The following PAFAH1B1 variants were observed in gnomAD, a reference collection of about 807,000 sequenced individuals.
PAFAH1B1 encodes platelet activating factor acetylhydrolase 1b regulatory subunit 1, also known as platelet-activating factor acetylhydrolase IB subunit beta.
A neutral mutation model predicts 57.5 loss-of-function variants in PAFAH1B1; 2 were observed. That is an observed-to-expected ratio of 0.03 (90% CI 0.01 to 0.11). The LOEUF is 0.11. Among genes scored for constraint, PAFAH1B1 ranks in the 10% least tolerant of loss-of-function variants. PAFAH1B1 has a pLI of 1.00. For missense variants in PAFAH1B1, 257 were observed against 512.0 expected, an observed-to-expected ratio of 0.50 and a Z score of 4.81; for synonymous variants, 152 against 169.6, an observed-to-expected ratio of 0.90 and a Z score of 0.81.
chr17:2,656,797 A>C (rs2068941704), intron 2 of PAFAH1B1, among the ~76,000 whole-genome samples: 1 of 152,188 alleles, frequency 6.6e-6, no homozygotes, highest in Non-Finnish European at 1.5e-5. Flanking sequence ...TACTTCTGAC[A>C]CTTCTGATAA....
At chr17:2,642,955 A>G (rs2068716440) in intron 2 of PAFAH1B1, among the ~76,000 whole-genome samples, 1 of 151,958 alleles carries the variant, frequency 6.6e-6, no homozygotes, top group African/African-American at 2.4e-5. Context: ...AATCCCTTCC[A>G]CCATGTTACC....
At chr17:2,648,561 C>G in intron 2 of PAFAH1B1, among the ~76,000 whole-genome samples, 1 of 151,730 alleles carries the variant, frequency 6.6e-6, no homozygotes, top group South Asian at 2.1e-4. Context: ...ACCTGTAGCC[C>G]CAGCTAATTG....
At chr17:2,610,227 AT>A (rs2068252822) in intron 1 of PAFAH1B1, among the ~76,000 whole-genome samples, 1 of 152,228 alleles carries the variant, frequency 6.6e-6, no homozygotes, top group Non-Finnish European at 1.5e-5. Context: ...TCTGTATTTG[AT>A]TTGTAACTCC....
At chr17:2,646,029 A>G (rs2068763696) in intron 2 of PAFAH1B1, among the ~76,000 whole-genome samples, 1 of 152,180 alleles carries the variant, frequency 6.6e-6, no homozygotes, top group South Asian at 2.1e-4. Context: ...CATAGCCTAC[A>G]GAAAATACAG....
chr17:2,628,482 A>AT (rs2068519224), intron 1 of PAFAH1B1, among the ~76,000 whole-genome samples: 1 of 151,980 alleles, frequency 6.6e-6, no homozygotes, highest in South Asian at 2.1e-4. Context: ...GTTAGCTAGT[A>AT]TTTTTTTAAG....
intron 1 of PAFAH1B1, 26 bp from the exon 2 acceptor site, chr17:2,638,072 CT>C (rs1001002978): frequency 5.0e-5 from 24 of 480,870 alleles, no homozygotes; most frequent in South Asian, 2.7e-4. Context: ...GTGAAATAAT[CT>C]TTTTTTTTCT....
intron 1 of PAFAH1B1, among the ~76,000 whole-genome samples, chr17:2,634,158 C>T (rs868694899): frequency 6.6e-6 from 1 of 151,778 alleles, no homozygotes; most frequent in Non-Finnish European, 1.5e-5. Context: ...TTTTTTGAGA[C>T]GGAGTCTTGC....
intron 2 of PAFAH1B1, among the ~76,000 whole-genome samples, chr17:2,645,821 G>T (rs2068761240): frequency 6.7e-6 from 1 of 149,990 alleles, no homozygotes; most frequent in Non-Finnish European, 1.5e-5. Flanking sequence ...AGCCAGGATG[G>T]TCTCACTCTC....
chr17:2,683,507 C>CA lies in PAFAH1B1; in HGVS notation c.*1706dup, dbSNP rs1372327075. ...AGAGTTAGCGTCCTGTAGATACACA[C>CA]AGAGACTAGGCCGTATATTAACTAG... On this transcript the variant is annotated 3_prime_UTR_variant, in exon 11 of 11. Transcript: ENST00000397195. The CA allele has an allele frequency of 6.6e-6, 1 of 152,224 alleles. No homozygotes were observed. The highest frequency in any genetic ancestry group is 6.5e-5 in the Admixed American group (1 of 15,282). 9.4% of individuals were successfully genotyped at this position (152,224 alleles called of 1,614,324 possible).
At chr17:2,657,132 A>G (rs1045811737) in intron 2 of PAFAH1B1, among the ~76,000 whole-genome samples, 1 of 152,180 alleles carries the variant, frequency 6.6e-6, no homozygotes, top group East Asian at 1.9e-4. Flanking sequence ...GCCATTAACT[A>G]TTAGATTTAT....
rs547683723 is a variant in PAFAH1B1 at position 2,677,406 on chromosome 17, A to G, written c.1002+800A>G. ...TTCCTATGTGCCTAAAGGAGTTCCAAGGAGATCTGTGGATGTTTGTTTAGT... is the reference window on the plus strand; with the variant it reads ...TTCCTATGTGCCTAAAGGAGTTCCAGGGAGATCTGTGGATGTTTGTTTAGT... On this transcript the variant is annotated intron_variant, in intron 9 of 10. Transcript: ENST00000397195. Among the ~76,000 whole-genome samples the G allele has an allele frequency of 7.2e-5, 11 of 152,336 alleles. No individual in the cohort carries two copies. In the East Asian group the frequency reaches 1.7e-3, roughly 24 times the overall value.
intron 1 of PAFAH1B1, among the ~76,000 whole-genome samples, chr17:2,635,761 T>G (rs971190769): frequency 2.6e-5 from 4 of 151,292 alleles, no homozygotes; most frequent in Admixed American, 6.6e-5. Context: ...ATAGTGGGGG[T>G]TTTTTTCTGA....
chr17:2,606,105 C>T (rs192341315), intron 1 of PAFAH1B1, among the ~76,000 whole-genome samples: 8 of 152,146 alleles, frequency 5.3e-5, no homozygotes, highest in South Asian at 2.1e-4. Context: ...TTGAGGTAGG[C>T]GGTATATTAG....
intron 9 of PAFAH1B1, 141 bp from the exon 10 acceptor site, chr17:2,680,023 C>A (rs1423399517): frequency 1.3e-6 from 1 of 796,342 alleles, no homozygotes; most frequent in Non-Finnish European, 2.1e-6. Context: ...TTTCAGTTTC[C>A]TTTAATCTAG....
At chr17:2,641,538 A>G (rs1378489200) in intron 2 of PAFAH1B1, 1 of 151,914 alleles carries the variant, frequency 6.6e-6, no homozygotes, top group African/African-American at 2.4e-5. Context: ...CACTGTTTTC[A>G]TACTTGAATT....
At chr17:2,671,808 G>A (rs2085000059) in intron 6 of PAFAH1B1, among the ~76,000 whole-genome samples, 1 of 151,720 alleles carries the variant, frequency 6.6e-6, no homozygotes, top group African/African-American at 2.4e-5. Flanking sequence ...TAACCATATT[G>A]GCCAGGCTGG....
intron 1 of PAFAH1B1, among the ~76,000 whole-genome samples, chr17:2,612,827 C>A (rs1234160561): frequency 1.1e-4 from 17 of 151,866 alleles, no homozygotes; most frequent in Admixed American, 1.1e-3. Flanking sequence ...CCAGGCTGGT[C>A]TCAGACTCCT....
chr17:2,670,111 C>A, intron 5 of PAFAH1B1, 52 bp from the exon 6 acceptor site: 1 of 1,528,186 alleles, frequency 6.5e-7, no homozygotes, highest in Non-Finnish European at 9.1e-7. Flanking sequence ...AAATGTGAAA[C>A]AAGAAAGGAG....
At chr17:2,654,938 G>A (rs1056781869) in intron 2 of PAFAH1B1, among the ~76,000 whole-genome samples, 3 of 150,586 alleles carry the variant, frequency 2.0e-5, no homozygotes, top group African/African-American at 7.3e-5. Flanking sequence ...CACCCTGCGT[G>A]GCTTTTTTTT....
Sources: allele counts gnomAD v4.1 joint callset (sites outside exome capture counted in the v4.1 genomes callset), GRCh38; gene constraint gnomAD v4.1.1; transcripts MANE v1.5; gene names NCBI Gene and HGNC (gene_info 2026-07-23, HGNC 2026-07-21).